Variants in CRY2 observed in about 807,000 individuals in gnomAD.
The protein encoded by CRY2 is cryptochrome circadian regulator 2, also known as cryptochrome-2.
In CRY2, 31 loss-of-function variants were observed where a neutral mutation model predicts 69.5. That is an observed-to-expected ratio of 0.45 (90% confidence interval 0.34 to 0.60). The LOEUF (loss-of-function observed/expected upper bound fraction) is 0.60. Ranked by LOEUF, CRY2 falls within the 20% of genes least tolerant of loss-of-function variation. CRY2 has a pLI of 0.02. For synonymous variants in CRY2, 303 were observed against 312.2 expected (o/e 0.97, Z 0.31); for missense variants, 606 against 797.8 (o/e 0.76, Z 2.90).
chr11:45,880,121 T>G (rs948270010), intron 11 of CRY2, among the ~76,000 whole-genome samples: 1 of 152,212 alleles, frequency 6.6e-6, no homozygotes, highest in African/African-American at 2.4e-5. Flanking sequence ...AGCACAAGTG[T>G]ATAGTACCTG....
At chr11:45,861,107 C>A in intron 4 of CRY2, 75 bp downstream of exon 4, 1 of 1,465,262 alleles carries the variant, frequency 6.8e-7, no homozygotes, top group Non-Finnish European at 9.1e-7. Flanking sequence ...GAAAGTAATG[C>A]ATGTCATTAT....
chr11:45,866,861 A>C (rs1439282104), intron 5 of CRY2, among the ~76,000 whole-genome samples: 1 of 152,186 alleles, frequency 6.6e-6, no homozygotes, highest in Non-Finnish European at 1.5e-5. Context: ...GTGGGCGATC[A>C]GGAGAATCCC....
At chr11:45,871,135 G>A (rs1261586180) in intron 10 of CRY2, among the ~76,000 whole-genome samples, 1 of 152,050 alleles carries the variant, frequency 6.6e-6, no homozygotes, top group African/African-American at 2.4e-5. Flanking sequence ...CTTGACAGAG[G>A]GACTGGGAAA....
Position 45,872,148 on chromosome 11 carries a change from G to A in CRY2, c.1699G>A (p.Glu567Lys), listed in dbSNP as rs145692156. ...CCCCAAACGCAAGCTGGAAGCAGCC[G>A]AGGAACCACCTGGTGAAGAACTCAG... ...ASPKRKLEAA[E>K]EPPGEELSKR... The change falls in exon 11 of 12, where the codon GAG (glutamate) becomes AAG (lysine). Residue 567 changes from glutamate to lysine, a missense_variant. Physicochemically the swap from Glu to Lys is moderately conservative, Grantham distance 56. Transcript: ENST00000616080. 3.2e-5 allele frequency: 51 copies of A among 1,614,000 alleles called. No individual in the cohort carries two copies. Among genetic ancestry groups the A allele is most frequent in the South Asian group, 1.4e-4 (13 of 91,090 alleles).
At position 45,881,524 on chromosome 11, in the gene CRY2, T is replaced by C. The variant is rs1301855560; in HGVS notation, c.*613T>C. 1.3e-5 allele frequency: 2 copies of C among 152,326 alleles called. No homozygotes were observed. The highest frequency in any genetic ancestry group is 2.9e-5 in the Non-Finnish European group (2 of 68,060). The allele number at this position is 152,326 out of a possible 1,614,324, so 9.4% of individuals were successfully genotyped here. A position where few individuals can be genotyped will look rare whatever the true frequency, so the allele number is the denominator to read the frequency against. On this transcript the variant is annotated 3_prime_UTR_variant, in exon 12 of 12. Transcript: ENST00000616080. ...AGTCCCAGGCCCTTCCTTGGGCTTCTGGGACTGAGCATGAGGCCATAGACA... is the reference window on the plus strand; with the variant it reads ...AGTCCCAGGCCCTTCCTTGGGCTTCCGGGACTGAGCATGAGGCCATAGACA...
intron 5 of CRY2, among the ~76,000 whole-genome samples, chr11:45,866,941 G>C (rs1231024403): frequency 6.6e-6 from 1 of 152,054 alleles, no homozygotes; most frequent in African/African-American, 2.4e-5. Context: ...GGTGACAAGA[G>C]CAAAACTCTG....
At chr11:45,863,035 A>G (rs1252274847) in intron 5 of CRY2, among the ~76,000 whole-genome samples, 1 of 152,240 alleles carries the variant, frequency 6.6e-6, no homozygotes, top group Non-Finnish European at 1.5e-5. Flanking sequence ...CAAGGAGGCC[A>G]AGGCAAATCT....
At position 45,856,161 on chromosome 11, in the gene CRY2, A is replaced by G. The variant is rs75521198; in HGVS notation, c.324+71A>G. 4,971 of 1,242,920 alleles carry G rather than the reference A, an allele frequency of 4.0e-3. 144 individuals are homozygous for G. The African/African-American group carries it at 0.063, about 16-fold the overall frequency. 77.0% of individuals were successfully genotyped at this position (1,242,920 alleles called of 1,614,324 possible). ...ACGGTTTCCCCACAGCCTGAGTGATATGATATTCCGACTGAGGGAATGGAA... is the reference window on the plus strand; with the variant it reads ...ACGGTTTCCCCACAGCCTGAGTGATGTGATATTCCGACTGAGGGAATGGAA... On this transcript the variant is annotated intron_variant, in intron 2 of 11. Transcript: ENST00000616080.
intron 11 of CRY2, among the ~76,000 whole-genome samples, chr11:45,876,429 C>T (rs2134650933): frequency 6.6e-6 from 1 of 152,340 alleles, no homozygotes; most frequent in East Asian, 1.9e-4. Flanking sequence ...AACTGAAAAA[C>T]AAGCCAGCCC....
intron 5 of CRY2, among the ~76,000 whole-genome samples, chr11:45,864,313 T>C (rs1290862823): frequency 8.5e-5 from 13 of 152,096 alleles, no homozygotes; most frequent in Admixed American, 8.5e-4. Flanking sequence ...TAAAAGAAAA[T>C]TAAATAACAT....
intron 9 of CRY2, 99 bp from the exon 10 acceptor site, chr11:45,870,743 T>C: frequency 8.6e-7 from 1 of 1,161,416 alleles, no homozygotes. Context: ...CCTCAGTGTC[T>C]TGCTCCTACC....
At chr11:45,861,333 C>A in intron 4 of CRY2, 1 of 286,104 alleles carries the variant, frequency 3.5e-6, no homozygotes, top group Non-Finnish European at 6.6e-6. Flanking sequence ...GTGCTGGTGT[C>A]CATGGGCTTC....
chr11:45,865,964 G>T (rs1183036857), intron 5 of CRY2, among the ~76,000 whole-genome samples: 1 of 152,226 alleles, frequency 6.6e-6, no homozygotes, highest in Non-Finnish European at 1.5e-5. Context: ...TGCCACAGTT[G>T]TCCAGTCTAG....
chr11:45,882,522 T>C lies in CRY2; in HGVS notation c.*1611T>C, dbSNP rs1313120918. ...TAGCTGTCCATCACACTGACAGGCT[T>C]CTTCCTGAGATATCCTCAGGTTTTC... On this transcript the variant is annotated 3_prime_UTR_variant, in exon 12 of 12. Coordinates refer to ENST00000616080, the MANE Select transcript of CRY2 (RefSeq NM_021117.5). The C allele has an allele frequency of 1.0e-5, 4 of 398,390 alleles. No homozygotes were observed. Among genetic ancestry groups the C allele is most frequent in the Non-Finnish European group, 1.8e-5 (4 of 225,972 alleles). The allele number at this position is 398,390 out of a possible 1,614,324, so 24.7% of individuals were successfully genotyped here.
rs762289693 is a variant in CRY2, at chr11:45,860,893, C to G, written c.513C>G (p.Arg171=). Residue 171 remains arginine, a synonymous_variant, in exon 4 of 12, where the codon CGC becomes CGG. Coordinates refer to ENST00000616080, the MANE Select transcript of CRY2 (RefSeq NM_021117.5). ...AGAAGCCACCCCTTACATACAAGCGCTTTCAGGCCATCATCAGCCGCATGG... is the reference window on the plus strand; with the variant it reads ...AGAAGCCACCCCTTACATACAAGCGGTTTCAGGCCATCATCAGCCGCATGG... The part of the protein sequence containing the change: ...NGQKPPLTYK[R]FQAIISRMEL... 9 of 1,614,200 alleles carry G rather than the reference C, an allele frequency of 5.6e-6. No individual in the cohort carries two copies. The highest frequency in any genetic ancestry group is 7.6e-6 in the Non-Finnish European group (9 of 1,180,040).
chr11:45,854,091 G>A (rs1048285508), intron 1 of CRY2, among the ~76,000 whole-genome samples: 2 of 152,222 alleles, frequency 1.3e-5, no homozygotes. Flanking sequence ...GGCAGCCTGG[G>A]AATAGTCACT....
In CRY2 at chr11:45,882,685, C is replaced by A; in HGVS notation, c.*1774C>A. On this transcript the variant is annotated 3_prime_UTR_variant, in exon 12 of 12. Coordinates refer to ENST00000616080, the MANE Select transcript of CRY2 (RefSeq NM_021117.5). ...GCATTGGGTTGGGGGCTTCCCTGTT[C>A]CCTCAGCCCCAGTCGAGAGGAAAGA... The A allele has an allele frequency of 2.5e-6, 1 of 398,796 alleles. No homozygotes were observed. Among genetic ancestry groups the A allele is most frequent in the Non-Finnish European group, 4.4e-6 (1 of 226,100 alleles). The allele number at this position is 398,796 out of a possible 1,614,324, so 24.7% of individuals were successfully genotyped here.
chr11:45,855,288 A>G (rs896910956), intron 1 of CRY2, among the ~76,000 whole-genome samples: 1 of 152,138 alleles, frequency 6.6e-6, no homozygotes, highest in African/African-American at 2.4e-5. Flanking sequence ...TGCCAAACAA[A>G]GCTCTGGGAA....
intron 1 of CRY2, among the ~76,000 whole-genome samples, chr11:45,848,247 A>G (rs1240161306): frequency 4.6e-5 from 7 of 152,170 alleles, no homozygotes; most frequent in Non-Finnish European, 8.8e-5. Context: ...AGGGGTGTCA[A>G]GTGACCCTGG....
Sources: allele counts gnomAD v4.1 joint callset (sites outside exome capture counted in the v4.1 genomes callset), GRCh38; gene constraint gnomAD v4.1.1; transcripts MANE v1.5; gene names NCBI Gene and HGNC (gene_info 2026-07-23, HGNC 2026-07-21).